Variants in GTF3C4 observed in about 807,000 individuals in gnomAD.
GTF3C4 encodes general transcription factor IIIC subunit 4.
In GTF3C4, 28 loss-of-function variants were observed where a neutral mutation model predicts 67.5. The observed-to-expected ratio is 0.41, with a 90% CI of 0.31 to 0.57. The LOEUF is 0.57. GTF3C4 is among the 20% of genes least tolerant of loss of function. The pLI is 0.21. For synonymous variants in GTF3C4, 409 were observed against 393.0 expected, an observed-to-expected ratio of 1.04 and a Z score of -0.48; for missense variants, 831 against 1,033.2, an observed-to-expected ratio of 0.80 and a Z score of 2.68.
At position 132,678,043 on chromosome 9, in the gene GTF3C4, A is replaced by G; in HGVS notation, c.424A>G (p.Ser142Gly). ...CGCCGCCTCCAAGGACCCCACGGTC[A>G]GTCAGACTTTCATGTTGGATAGGGT... Reference protein sequence around the residue: ...KFAASKDPTVSQTFMLDRVFN... With the variant: ...KFAASKDPTVGQTFMLDRVFN... Residue 142 changes from serine (S) to glycine (G), a missense_variant, in exon 2 of 5, where the codon AGT becomes GGT. Ser to Gly is a moderately conservative substitution (Grantham distance 56). This residue lies in a region of GTF3C4 where 237 missense variants were observed against 212.7 expected (regional missense o/e 1.11). Coordinates refer to ENST00000372146, the MANE Select transcript of GTF3C4 (RefSeq NM_012204.4). This position sits in a 1 kb window ranked among gnomAD's most constrained non-coding sequence, Gnocchi z 6.5. 1.9e-6 allele frequency: 3 copies of G among 1,614,192 alleles called. No homozygotes were observed. Among genetic ancestry groups the G allele is most frequent in the Non-Finnish European group, 2.5e-6 (3 of 1,180,000 alleles).
At chr9:132,671,112 T>TAA (rs113954882) in intron 1 of GTF3C4, among the ~76,000 whole-genome samples, 157 bp downstream of exon 1, 69 of 143,090 alleles carry the variant, frequency 4.8e-4, no homozygotes, top group Middle Eastern at 3.6e-3. Context: ...TACCACAGCT[T>TAA]AAAAAAAAAA....
intron 1 of GTF3C4, among the ~76,000 whole-genome samples, chr9:132,671,376 T>A (rs895799925): frequency 1.3e-5 from 2 of 152,066 alleles, no homozygotes; most frequent in Non-Finnish European, 2.9e-5. Context: ...CTTGGCTGGC[T>A]TTGTCTACTG....
chr9:132,673,918 C>A (rs777178920), intron 1 of GTF3C4, among the ~76,000 whole-genome samples: 5 of 152,150 alleles, frequency 3.3e-5, no homozygotes, highest in Admixed American at 1.3e-4. Flanking sequence ...TCCCATTGGA[C>A]TACTGATTTA....
At chr9:132,680,618 TTAAAG>T (rs1357004473) in intron 2 of GTF3C4, among the ~76,000 whole-genome samples, 2 of 152,262 alleles carry the variant, frequency 1.3e-5, no homozygotes, top group African/African-American at 4.8e-5. Flanking sequence ...AAAGTCTTAT[TTAAAG>T]TATTAATTGA....
chr9:132,687,015 T>G (rs1373620935), intron 3 of GTF3C4, among the ~76,000 whole-genome samples: 5 of 152,222 alleles, frequency 3.3e-5, no homozygotes, highest in Non-Finnish European at 7.3e-5. Flanking sequence ...AAAACTGCAA[T>G]CTACCTGGAT....
chr9:132,694,745 G>A lies in GTF3C4; in HGVS notation c.*5800G>A, dbSNP rs1836171275. 1 of 152,138 alleles carries A rather than the reference G, an allele frequency of 6.6e-6. No individual in the cohort carries two copies. The highest frequency in any genetic ancestry group is 2.1e-4 in the South Asian group (1 of 4,822). The allele number at this position is 152,138 out of a possible 1,614,324, so 9.4% of individuals were successfully genotyped here. A position where few individuals can be genotyped will look rare whatever the true frequency, so the allele number is the denominator to read the frequency against. On this transcript the variant is annotated 3_prime_UTR_variant, in exon 5 of 5. Coordinates refer to ENST00000372146, the MANE Select transcript of GTF3C4 (RefSeq NM_012204.4). ...AATTGATGAACTACCATTGGTTTTA[G>A]CTCTTTCTCATTTGGGATTCCCCTC...
intron 2 of GTF3C4, among the ~76,000 whole-genome samples, chr9:132,681,966 T>TAAAAA (rs56402111): frequency 1.3e-4 from 15 of 114,728 alleles, no homozygotes; most frequent in South Asian, 2.8e-4. Context: ...CTACATAAAG[T>TAAAAA]AAAAAAAAAA....
chr9:132,673,720 C>T (rs1305310487), intron 1 of GTF3C4, among the ~76,000 whole-genome samples: 2 of 152,176 alleles, frequency 1.3e-5, no homozygotes, highest in East Asian at 1.9e-4. Flanking sequence ...AAGCTAGGTA[C>T]TAAACACCTT....
intron 1 of GTF3C4, among the ~76,000 whole-genome samples, chr9:132,672,458 G>A (rs1485173085): frequency 6.6e-6 from 1 of 152,150 alleles, no homozygotes; most frequent in Non-Finnish European, 1.5e-5. Context: ...CAGGCGGCAG[G>A]AATGAGGCAT....
rs1334404319 is a variant in GTF3C4 at position 132,692,114 on chromosome 9, G to T, written c.*3169G>T. 6.6e-6 allele frequency: 1 copy of T among 152,100 alleles called. No homozygotes were observed. The highest frequency in any genetic ancestry group is 1.5e-5 in the Non-Finnish European group (1 of 68,026). 9.4% of individuals were successfully genotyped at this position (152,100 alleles called of 1,614,324 possible). On this transcript the variant is annotated 3_prime_UTR_variant, in exon 5 of 5. Coordinates refer to ENST00000372146, the MANE Select transcript of GTF3C4 (RefSeq NM_012204.4). ...AGGAATTAGGGTCACTGGTTGATTG[G>T]CACAGGATCTTTCCATCGTTTCTGC...
Position 132,693,180 on chromosome 9 carries a change from A to G in GTF3C4, c.*4235A>G, listed in dbSNP as rs894871818. 3 of 152,244 alleles carry G rather than the reference A, an allele frequency of 2.0e-5. No individual in the cohort carries two copies. The highest frequency in any genetic ancestry group is 4.8e-5 in the African/African-American group (2 of 41,464). The allele number at this position is 152,244 out of a possible 1,614,324, so 9.4% of individuals were successfully genotyped here. On this transcript the variant is annotated 3_prime_UTR_variant, in exon 5 of 5. Coordinates refer to ENST00000372146, the MANE Select transcript of GTF3C4 (RefSeq NM_012204.4). The stretch of plus-strand genomic sequence containing the variant: ...TCTCATTGATAGGATGTAGCCTGCC[A>G]TCTGCATAGATGGTTTAACATGGTG...
intron 1 of GTF3C4, among the ~76,000 whole-genome samples, chr9:132,672,582 T>C (rs1835801349): frequency 6.6e-6 from 1 of 152,220 alleles, no homozygotes; most frequent in African/African-American, 2.4e-5. Context: ...GAAAGTAAGA[T>C]GAGACCAGTT....
In GTF3C4 at chr9:132,690,850, C is replaced by G. The variant is rs1471112389; in HGVS notation, c.*1905C>G. 1.3e-5 allele frequency: 2 copies of G among 152,112 alleles called. No individual in the cohort carries two copies. The highest frequency in any genetic ancestry group is 4.8e-5 in the African/African-American group (2 of 41,418). The allele number at this position is 152,112 out of a possible 1,614,324, so 9.4% of individuals were successfully genotyped here. A position where few individuals can be genotyped will look rare whatever the true frequency, so the allele number is the denominator to read the frequency against. On this transcript the variant is annotated 3_prime_UTR_variant, in exon 5 of 5. Transcript: ENST00000372146. Reference sequence around the variant, plus strand: ...ATTATTGCAGTTTTAATCATTATGGCATAGTTTCACTTCCCCTCCCCCCAT... The same window carrying G: ...ATTATTGCAGTTTTAATCATTATGGGATAGTTTCACTTCCCCTCCCCCCAT...
rs891530029 is a variant in GTF3C4, at chr9:132,689,794, T to C, written c.*849T>C. On this transcript the variant is annotated 3_prime_UTR_variant, in exon 5 of 5. Transcript: ENST00000372146. ...TTTTCCTCTTTTAGTAATAAGACTT[T>C]CAGTATTTTTAATGTTGACATTTCC... 6.6e-6 allele frequency: 1 copy of C among 152,214 alleles called. No homozygotes were observed. Among genetic ancestry groups the C allele is most frequent in the African/African-American group, 2.4e-5 (1 of 41,448 alleles). 9.4% of individuals were successfully genotyped at this position (152,214 alleles called of 1,614,324 possible). A position where few individuals can be genotyped will look rare whatever the true frequency, so the allele number is the denominator to read the frequency against.
At chr9:132,686,882 A>G (rs538602819) in intron 3 of GTF3C4, among the ~76,000 whole-genome samples, 1 of 152,364 alleles carries the variant, frequency 6.6e-6, no homozygotes, top group Admixed American at 6.5e-5. Flanking sequence ...AACAACAGCA[A>G]CAACAAAAAA....
chr9:132,680,977 G>A (rs1020505437), intron 2 of GTF3C4, among the ~76,000 whole-genome samples: 2 of 152,130 alleles, frequency 1.3e-5, no homozygotes, highest in African/African-American at 2.4e-5. Context: ...GTGTGGTGGC[G>A]GGCGCCTGTA....
At chr9:132,677,731 A>G (rs1271273172) in intron 1 of GTF3C4, among the ~76,000 whole-genome samples, 12 of 152,256 alleles carry the variant, frequency 7.9e-5, no homozygotes. Context: ...CTAAATATCA[A>G]TTTGTATCAA....
chr9:132,679,917 AATTT>A lies in GTF3C4; in HGVS notation c.2184+119_2184+122del. The A allele has an allele frequency of 1.0e-6, 1 of 959,576 alleles. No homozygotes were observed. The highest frequency in any genetic ancestry group is 1.7e-5 in the South Asian group (1 of 57,594). 59.4% of individuals were successfully genotyped at this position (959,576 alleles called of 1,614,324 possible). On this transcript the variant is annotated intron_variant, in intron 2 of 4. Coordinates refer to ENST00000372146, the MANE Select transcript of GTF3C4 (RefSeq NM_012204.4). This position sits in a 1 kb window ranked among gnomAD's most constrained non-coding sequence, Gnocchi z 5.9. The stretch of plus-strand genomic sequence containing the variant: ...ACTTTTGCTTTGACATTTTTTAGGT[AATTT>A]ATTTGCTTGAGGTGCAGGGTAATAA...
At chr9:132,677,078 T>C (rs534983675) in intron 1 of GTF3C4, among the ~76,000 whole-genome samples, 1 of 152,294 alleles carries the variant, frequency 6.6e-6, no homozygotes, top group Non-Finnish European at 1.5e-5. Flanking sequence ...TATCTCTTCC[T>C]CCATCTTTGA....
Sources: allele counts gnomAD v4.1 joint callset (sites outside exome capture counted in the v4.1 genomes callset), GRCh38; gene constraint gnomAD v4.1.1; regional missense constraint gnomAD v4.1.1; non-coding constraint Gnocchi (gnomAD v3.1); transcripts MANE v1.5; gene names NCBI Gene and HGNC (gene_info 2026-07-23, HGNC 2026-07-21).